Variants in RBFOX1 observed in about 807,000 individuals in gnomAD.
RBFOX1 encodes the protein RNA binding fox-1 homolog 1, also known as RNA binding protein fox-1 homolog 1.
RBFOX1 carries 8 observed loss-of-function variants against 57.7 expected under a neutral mutation model. The ratio of observed to expected loss-of-function variants is 0.14; its 90% CI spans 0.08 to 0.25. The LOEUF (loss-of-function observed/expected upper bound fraction) is 0.25. Among genes scored for constraint, RBFOX1 ranks in the 10% least tolerant of loss-of-function variants. The pLI, the probability that RBFOX1 is intolerant of heterozygous loss-of-function variation, is 1.00. For missense variants in RBFOX1, 611 were observed against 548.5 expected, an observed-to-expected ratio of 1.11 and a Z score of -1.14; for synonymous variants, 326 against 222.4, an observed-to-expected ratio of 1.47 and a Z score of -4.15.
intron 3 of RBFOX1, among the ~76,000 whole-genome samples, chr16:6,874,756 T>C (rs1208932557): frequency 6.6e-6 from 1 of 151,822 alleles, no homozygotes; most frequent in Admixed American, 6.6e-5. Context: ...AATGACATAA[T>C]GTACTCTTGG....
chr16:7,395,077 G>C (rs1049411764), intron 4 of RBFOX1, among the ~76,000 whole-genome samples: 4 of 151,946 alleles, frequency 2.6e-5, no homozygotes, highest in Non-Finnish European at 5.9e-5. Flanking sequence ...GCCATTTGTT[G>C]ATTCAAACCA....
chr16:6,603,914 C>T (rs2154013391), intron 2 of RBFOX1, among the ~76,000 whole-genome samples: 1 of 151,904 alleles, frequency 6.6e-6, no homozygotes, highest in Admixed American at 6.6e-5. Flanking sequence ...TGTCTCAGCT[C>T]TGGGGCGAGG....
intron 4 of RBFOX1, among the ~76,000 whole-genome samples, chr16:7,508,726 C>G (rs1724126413): frequency 6.6e-6 from 1 of 152,166 alleles, no homozygotes; most frequent in Non-Finnish European, 1.5e-5. Context: ...GAACTAGAAC[C>G]TGCAAAACAG....
chr16:6,646,946 C>A (rs1004741725), intron 2 of RBFOX1, among the ~76,000 whole-genome samples: 25 of 152,262 alleles, frequency 1.6e-4, no homozygotes, highest in Admixed American at 3.3e-4. Context: ...AGGACTGGGC[C>A]TTACAGGTCG....
intron 4 of RBFOX1, among the ~76,000 whole-genome samples, chr16:7,299,303 A>C (rs942523398): frequency 6.6e-6 from 1 of 152,216 alleles, no homozygotes; most frequent in Non-Finnish European, 1.5e-5. Context: ...CTAAACCACC[A>C]ATGTAACTTT....
intron 3 of RBFOX1, among the ~76,000 whole-genome samples, chr16:6,753,277 A>G (rs923143680): frequency 1.3e-5 from 2 of 152,196 alleles, no homozygotes; most frequent in Non-Finnish European, 2.9e-5. Flanking sequence ...TAGGTGGTAG[A>G]TATATGGATG....
intron 2 of RBFOX1, among the ~76,000 whole-genome samples, chr16:6,615,557 G>A (rs1164786866): frequency 4.0e-5 from 6 of 148,944 alleles, no homozygotes; most frequent in East Asian, 2.0e-4. Flanking sequence ...GAGAAAGAGC[G>A]AATCTCCATC....
Position 5,567,470 on chromosome 16 carries a change from A to G in RBFOX1, c.259-31432A>G, listed in dbSNP as rs1158583258. On this transcript the variant is annotated intron_variant, in intron 2 of 2. Coordinates refer to the RBFOX1 transcript ENST00000585867. The stretch of plus-strand genomic sequence containing the variant: ...ATCTCCACTTTACAGACTGGGAAGC[A>G]TGAAGCATCCAGCGGGTCACCACCT... Among the ~76,000 whole-genome samples the G allele has an allele frequency of 3.3e-5, 5 of 152,218 alleles. No homozygotes were observed. In the East Asian group the frequency reaches 7.7e-4, roughly 23 times the overall value.
chr16:6,868,023 T>A (rs2060236115), intron 3 of RBFOX1, among the ~76,000 whole-genome samples: 1 of 152,208 alleles, frequency 6.6e-6, no homozygotes, highest in South Asian at 2.1e-4. Context: ...TATACTTCAG[T>A]TAACTTATTT....
intron 4 of RBFOX1, among the ~76,000 whole-genome samples, chr16:7,335,279 AAAGTATTTCCT>A (rs1162774104): frequency 2.6e-5 from 4 of 152,200 alleles, no homozygotes; most frequent in African/African-American, 7.2e-5. Context: ...CTCAGGAGGC[AAAGTATTTCCT>A]CTAGGGAATT....
At chr16:6,684,216 A>G (rs1212458567) in intron 3 of RBFOX1, among the ~76,000 whole-genome samples, 2 of 152,200 alleles carry the variant, frequency 1.3e-5, no homozygotes, top group African/African-American at 2.4e-5. Flanking sequence ...TTTCTTATGC[A>G]TGGAACTGGT....
At chr16:7,337,432 G>C (rs545154534) in intron 4 of RBFOX1, among the ~76,000 whole-genome samples, 1 of 152,116 alleles carries the variant, frequency 6.6e-6, no homozygotes, top group Non-Finnish European at 1.5e-5. Flanking sequence ...AGAGAACTTG[G>C]GTGAATTCAT....
chr16:7,155,994 T>C (rs904381682), intron 4 of RBFOX1, among the ~76,000 whole-genome samples: 3 of 151,556 alleles, frequency 2.0e-5, no homozygotes, highest in African/African-American at 4.9e-5. Context: ...ATATGTTTTA[T>C]ATATATATCT....
At chr16:6,052,656 C>T (rs1362561564) in intron 1 of RBFOX1, among the ~76,000 whole-genome samples, 3 of 151,736 alleles carry the variant, frequency 2.0e-5, no homozygotes, top group Non-Finnish European at 2.9e-5. Context: ...CGGTGGCGGG[C>T]GCCTGTAGTC....
At chr16:6,403,954 C>A (rs936228011) in intron 2 of RBFOX1, among the ~76,000 whole-genome samples, 1 of 151,994 alleles carries the variant, frequency 6.6e-6, no homozygotes, top group African/African-American at 2.4e-5. Flanking sequence ...GTCTGTAAGC[C>A]AGGAAAAGAG....
At chr16:7,346,043 G>C (rs1053004195) in intron 4 of RBFOX1, among the ~76,000 whole-genome samples, 11 of 152,182 alleles carry the variant, frequency 7.2e-5, no homozygotes, top group Admixed American at 3.9e-4. Context: ...TGTTCTCATT[G>C]TTCAATTCCC....
At chr16:5,651,010 T>TC (rs1299789565) in intron 3 of RBFOX1, among the ~76,000 whole-genome samples, 10 of 145,540 alleles carry the variant, frequency 6.9e-5, no homozygotes, top group African/African-American at 2.5e-4. Context: ...CCCTTTCTCT[T>TC]CCCTTCCTCT....
intron 4 of RBFOX1, among the ~76,000 whole-genome samples, chr16:7,453,582 G>A (rs1276681848): frequency 6.6e-6 from 1 of 152,156 alleles, no homozygotes; most frequent in Non-Finnish European, 1.5e-5. Context: ...GAAAACAAAT[G>A]GCACTTTGAT....
intron 2 of RBFOX1, among the ~76,000 whole-genome samples, chr16:6,567,076 T>A (rs1483116588): frequency 5.3e-5 from 8 of 152,186 alleles, no homozygotes; most frequent in Non-Finnish European, 1.2e-4. Context: ...TGAGTTAGTT[T>A]CCCATGAGAC....
Sources: gnomAD v4.1 joint callset for allele counts (sites outside exome capture counted in the v4.1 genomes callset) on GRCh38, gnomAD v4.1.1 for gene constraint, MANE v1.5 for transcripts, NCBI Gene and HGNC (gene_info 2026-07-23, HGNC 2026-07-21) for gene names.